Variants in RNF157 observed in about 807,000 individuals in gnomAD.
The protein encoded by RNF157 is ring finger protein 157, also known as E3 ubiquitin ligase RNF157.
A neutral mutation model predicts 88.3 loss-of-function variants in RNF157; 55 were observed. The observed-to-expected ratio is 0.62, with a 90% CI of 0.50 to 0.78. The LOEUF (loss-of-function observed/expected upper bound fraction) is 0.78, where lower values mean the gene tolerates loss of function less well. Ranked by LOEUF, RNF157 falls within the 30% of genes least tolerant of loss-of-function variation. The pLI, the probability that RNF157 is intolerant of heterozygous loss-of-function variation, is 0.00. For missense variants in RNF157, 788 were observed against 860.8 expected, an observed-to-expected ratio of 0.92 and a Z score of 1.06; for synonymous variants, 334 against 341.2, an observed-to-expected ratio of 0.98 and a Z score of 0.23.
At position 76,162,719 on chromosome 17, in the gene RNF157, A is replaced by T. The variant is rs139185241; in HGVS notation, c.721-96T>A. ...ATCTTACCTCTTTTGGTAACCAAGG[A>T]CTACCGATTCATAATGAGAAAAAAA... On this transcript the variant is annotated intron_variant, in intron 8 of 18. Coordinates refer to ENST00000269391, the MANE Select transcript of RNF157 (RefSeq NM_052916.3). The T allele has an allele frequency of 3.8e-4, 288 of 760,888 alleles. 4 individuals are homozygous for T. The Middle Eastern group carries it at 0.01, about 27-fold the overall frequency. The allele number at this position is 760,888 out of a possible 1,614,324, so 47.1% of individuals were successfully genotyped here.
chr17:76,175,888 T>G (rs545691891), intron 2 of RNF157: 1 of 618,122 alleles, frequency 1.6e-6, no homozygotes, highest in African/African-American at 2.0e-5. Context: ...TTTGAATATA[T>G]TTGATGATAA....
chr17:76,148,516 C>T (rs1383806222), intron 18 of RNF157, among the ~76,000 whole-genome samples: 1 of 150,910 alleles, frequency 6.6e-6, no homozygotes, highest in African/African-American at 2.4e-5. Flanking sequence ...ATCCGCCCAT[C>T]TCGGCCTCCC....
intron 1 of RNF157, among the ~76,000 whole-genome samples, chr17:76,229,193 G>T (rs1032980051): frequency 1.3e-5 from 2 of 152,066 alleles, no homozygotes; most frequent in Non-Finnish European, 2.9e-5. Context: ...CCTCTCACTT[G>T]TTTCACTTTT....
rs1008962044 is a variant in RNF157 at position 76,176,722 on chromosome 17, C to A, written c.208-2932G>T. Among the ~76,000 whole-genome samples, 13 of 152,192 alleles carry A rather than the reference C, an allele frequency of 8.5e-5. No homozygotes were observed. The highest frequency in any genetic ancestry group is 4.6e-4 in the Admixed American group (7 of 15,292). On this transcript the variant is annotated intron_variant, in intron 2 of 18. Transcript: ENST00000269391. The surrounding 1 kb of genome is among the most constrained non-coding windows in gnomAD (Gnocchi z 4.2). ...GGAGCAGCGTGGCAGAAGAGCAGCG[C>A]GGTAGGGCAAAGAGGAGCCCCGAGG...
chr17:76,212,207 A>G (rs998399760), intron 2 of RNF157, 157 bp downstream of exon 2: 1 of 597,008 alleles, frequency 1.7e-6, no homozygotes, highest in African/African-American at 1.9e-5. Context: ...AAGAGATCCC[A>G]TACAACCAAG....
chr17:76,176,809 C>T lies in RNF157; in HGVS notation c.208-3019G>A, dbSNP rs1010923532. Among the ~76,000 whole-genome samples the T allele has an allele frequency of 2.6e-5, 4 of 152,072 alleles. No individual in the cohort carries two copies. Among genetic ancestry groups the T allele is most frequent in the African/African-American group, 7.3e-5 (3 of 41,376 alleles). ...GGAGCGCCAGGGCCAGGCCTGGGCG[C>T]GGAGCTGGGGCCATGCTTCAGGGGC... On this transcript the variant is annotated intron_variant, in intron 2 of 18. Coordinates refer to ENST00000269391, the MANE Select transcript of RNF157 (RefSeq NM_052916.3). This position sits in a 1 kb window ranked among gnomAD's most constrained non-coding sequence, Gnocchi z 4.2.
chr17:76,142,791 G>T lies in RNF157; in HGVS notation c.*2444C>A, dbSNP rs1035615220. ...TCAGCGGGGGTAGAAACTCTGGTGG[G>T]ATGGAGCTGGGCAGAAGGAAAAAAG... On this transcript the variant is annotated 3_prime_UTR_variant, in exon 19 of 19. Transcript: ENST00000269391. 1 of 152,662 alleles carries T rather than the reference G, an allele frequency of 6.6e-6. No homozygotes were observed. The highest frequency in any genetic ancestry group is 2.4e-5 in the African/African-American group (1 of 41,474). The allele number at this position is 152,662 out of a possible 1,614,324, so 9.5% of individuals were successfully genotyped here. A position where few individuals can be genotyped will look rare whatever the true frequency, so the allele number is the denominator to read the frequency against.
chr17:76,193,620 T>C (rs578250115), intron 2 of RNF157, among the ~76,000 whole-genome samples: 2 of 151,340 alleles, frequency 1.3e-5, no homozygotes, highest in Admixed American at 1.3e-4. Context: ...TTAGGATCAC[T>C]AGGGAAATGG....
intron 2 of RNF157, among the ~76,000 whole-genome samples, chr17:76,185,181 G>A (rs1367585767): frequency 6.6e-6 from 1 of 152,092 alleles, no homozygotes; most frequent in East Asian, 1.9e-4. Flanking sequence ...CACCTACATG[G>A]CTACGTGAAC....
At position 76,159,488 on chromosome 17, in the gene RNF157, G is replaced by A; in HGVS notation, c.1151C>T (p.Pro384Leu). The A allele has an allele frequency of 2.5e-6, 4 of 1,609,264 alleles. No homozygotes were observed. Among genetic ancestry groups the A allele is most frequent in the Non-Finnish European group, 2.5e-6 (3 of 1,178,296 alleles). The change falls in exon 12 of 19, where the codon CCT (proline) becomes CTT (leucine). Residue 384 changes from proline (P) to leucine (L), a missense_variant. By Grantham distance (98) the Pro-to-Leu change is moderately conservative (BLOSUM62 -3). Transcript: ENST00000269391. ...GCCATCTCCAAGCACGTGAAGTGGA[G>A]GAACTGCTGGGGACGGGGTGAGGGG... ...NGPLTPSPAV[P>L]PLHVLGDGHL...
At chr17:76,230,739 G>A (rs972052249) in intron 1 of RNF157, among the ~76,000 whole-genome samples, 9 of 151,222 alleles carry the variant, frequency 6.0e-5, no homozygotes, top group Admixed American at 4.0e-4. Context: ...TCGGGAGGCT[G>A]GGGCAGGAGA....
intron 8 of RNF157, 53 bp from the exon 9 acceptor site, chr17:76,162,676 G>GA: frequency 7.7e-7 from 1 of 1,297,204 alleles, no homozygotes; most frequent in Non-Finnish European, 1.1e-6. Context: ...TGAGAGACAA[G>GA]AGTGGGAACT....
At chr17:76,188,073 C>G (rs1034186866) in intron 2 of RNF157, among the ~76,000 whole-genome samples, 13 of 152,178 alleles carry the variant, frequency 8.5e-5, no homozygotes, top group African/African-American at 3.1e-4. Context: ...CAGTGGGCAG[C>G]CAAGATTCTG....
chr17:76,208,801 A>T (rs2069725604), intron 2 of RNF157, among the ~76,000 whole-genome samples: 1 of 151,972 alleles, frequency 6.6e-6, no homozygotes, highest in African/African-American at 2.4e-5. Flanking sequence ...GTGAAACCCC[A>T]TCTCTACTAA....
intron 1 of RNF157, among the ~76,000 whole-genome samples, chr17:76,228,642 G>A (rs1003285425): frequency 2.0e-5 from 3 of 152,246 alleles, no homozygotes; most frequent in Admixed American, 6.5e-5. Context: ...AGTCACTTGG[G>A]CTGGGCACAG....
At chr17:76,163,632 T>A (rs2068879626) in intron 8 of RNF157, 1 of 152,274 alleles carries the variant, frequency 6.6e-6, no homozygotes, top group South Asian at 2.1e-4. Context: ...TTCTTAGCCA[T>A]CCCTTCCCCT....
At chr17:76,168,619 C>T (rs76169669) in intron 3 of RNF157, among the ~76,000 whole-genome samples, 1,573 of 152,108 alleles carry the variant, frequency 0.01, 21 homozygotes, top group African/African-American at 0.035. Flanking sequence ...GGCTCCCAGT[C>T]GCCACCCTGG....
Position 76,240,093 on chromosome 17 carries a change from C to T in RNF157, c.88+60G>A. 1 of 1,095,396 alleles carries T rather than the reference C, an allele frequency of 9.1e-7. No individual in the cohort carries two copies. The highest frequency in any genetic ancestry group is 1.2e-6 in the Non-Finnish European group (1 of 861,600). The allele number at this position is 1,095,396 out of a possible 1,614,324, so 67.9% of individuals were successfully genotyped here. On this transcript the variant is annotated intron_variant, in intron 1 of 18. Transcript: ENST00000269391. The surrounding 1 kb of genome is among the most constrained non-coding windows in gnomAD (Gnocchi z 4.4). ...GCGGGGCCCCCTCAGGCCGTCCCGA[C>T]CCAGACCCCTGCCCCTGCCCCTCTC...
intron 18 of RNF157, among the ~76,000 whole-genome samples, chr17:76,151,805 C>T (rs144357799): frequency 4.6e-4 from 70 of 152,284 alleles, no homozygotes; most frequent in African/African-American, 1.4e-3. Flanking sequence ...TCGACCTCTC[C>T]GTTGGGATCC....
Sources: gnomAD v4.1 joint callset for allele counts (sites outside exome capture counted in the v4.1 genomes callset) on GRCh38, gnomAD v4.1.1 for gene constraint, Gnocchi (gnomAD v3.1) non-coding constraint, MANE v1.5 for transcripts, NCBI Gene and HGNC (gene_info 2026-07-23, HGNC 2026-07-21) for gene names.